Variants in LGSN observed in about 807,000 individuals in gnomAD.
LGSN encodes the protein lengsin, lens protein with glutamine synthetase domain.
A neutral mutation model predicts 19.5 loss-of-function variants in LGSN; 21 were observed. That is an observed-to-expected ratio of 1.07 (90% confidence interval 0.76 to 1.55). The LOEUF is 1.55. LGSN is among the 40% of genes most tolerant of loss of function. The probability of loss-of-function intolerance (pLI) is 0.00; values close to 1 mark genes in which losing one functional copy is unlikely to be tolerated. For missense variants in LGSN, 673 were observed against 608.5 expected, an observed-to-expected ratio of 1.11 and a Z score of -1.12; for synonymous variants, 257 against 215.6, an observed-to-expected ratio of 1.19 and a Z score of -1.68.
chr6:63,523,882 C>G, the LGSN span, among the ~76,000 whole-genome samples: 1 of 152,112 alleles, frequency 6.6e-6, no homozygotes, highest in Non-Finnish European at 1.5e-5. Flanking sequence ...AGATTGCCTA[C>G]TCCTAGCATA....
At chr6:63,522,443 T>A in the LGSN span, among the ~76,000 whole-genome samples, 1 of 152,266 alleles carries the variant, frequency 6.6e-6, no homozygotes, top group Non-Finnish European at 1.5e-5. Context: ...TAGTTACAAT[T>A]CAGGTGAAAC....
At chr6:63,325,681 AG>A in the LGSN span, among the ~76,000 whole-genome samples, 3 of 152,190 alleles carry the variant, frequency 2.0e-5, no homozygotes, top group Non-Finnish European at 4.4e-5. Context: ...ACAGCTTTTA[AG>A]GTGGCGCATC....
At chr6:63,481,491 T>C in the LGSN span, among the ~76,000 whole-genome samples, 1 of 150,190 alleles carries the variant, frequency 6.7e-6, no homozygotes, top group Admixed American at 6.7e-5. Context: ...TACAGGCGCA[T>C]GCCACCATGC....
intron 2 of LGSN, among the ~76,000 whole-genome samples, chr6:63,286,431 G>A (rs186552444): frequency 7.3e-4 from 111 of 152,140 alleles, no homozygotes; most frequent in South Asian, 2.1e-3. Flanking sequence ...CATTCTTTTC[G>A]AGACTTTTAA....
the LGSN span, among the ~76,000 whole-genome samples, chr6:63,539,605 G>A: frequency 1.5e-4 from 23 of 152,076 alleles, no homozygotes; most frequent in Non-Finnish European, 2.8e-4. Context: ...GTGAAACCCC[G>A]TCTCTACTAA....
the LGSN span, among the ~76,000 whole-genome samples, chr6:63,434,001 T>C: frequency 2.0e-5 from 3 of 152,148 alleles, no homozygotes; most frequent in Non-Finnish European, 2.9e-5. Flanking sequence ...GAGTAGGCAG[T>C]GTTAAGAGAA....
At chr6:63,533,218 C>T in the LGSN span, among the ~76,000 whole-genome samples, 1 of 152,192 alleles carries the variant, frequency 6.6e-6, no homozygotes, top group Non-Finnish European at 1.5e-5. Context: ...CTGGTATCTA[C>T]TAAAAATACA....
the LGSN span, among the ~76,000 whole-genome samples, chr6:63,562,752 T>A: frequency 7.2e-5 from 11 of 152,362 alleles, 1 homozygote; most frequent in Admixed American, 5.9e-4. Context: ...ATACAACTTT[T>A]AGGAGTCCCG....
At chr6:63,547,641 G>A in the LGSN span, among the ~76,000 whole-genome samples, 1 of 151,252 alleles carries the variant, frequency 6.6e-6, no homozygotes, top group Non-Finnish European at 1.5e-5. Flanking sequence ...GAGTAGCTGG[G>A]ACTACAGGTG....
chr6:63,312,966 G>A lies in LGSN; in HGVS notation c.30+6948C>T, dbSNP rs563311080. 9.9e-5 allele frequency among the ~76,000 whole-genome samples: 15 copies of A among 152,278 alleles called. No individual in the cohort carries two copies. In the South Asian group the frequency reaches 2.9e-3, roughly 29 times the overall value. On this transcript the variant is annotated intron_variant, in intron 1 of 3. Coordinates refer to ENST00000370657, the MANE Select transcript of LGSN (RefSeq NM_016571.3). ...TGGGCATATGGAATCTAAGGTGATT[G>A]TGTCATCTGGAGGTGTCCAGCAAGC...
At chr6:63,539,512 T>A in the LGSN span, among the ~76,000 whole-genome samples, 1 of 152,160 alleles carries the variant, frequency 6.6e-6, no homozygotes, top group Non-Finnish European at 1.5e-5. Flanking sequence ...GTGTGTTGGC[T>A]CACTCCTGTA....
the LGSN span, among the ~76,000 whole-genome samples, chr6:63,412,143 G>T: frequency 6.6e-6 from 1 of 152,050 alleles, no homozygotes; most frequent in African/African-American, 2.4e-5. Flanking sequence ...GAGGTGGGCA[G>T]ATCACTTGAG....
the LGSN span, among the ~76,000 whole-genome samples, chr6:63,352,487 T>A: frequency 6.6e-6 from 1 of 151,988 alleles, no homozygotes; most frequent in Non-Finnish European, 1.5e-5. Flanking sequence ...ATAGAGAGTC[T>A]CCATCTCTAC....
chr6:63,319,229 T>C (rs554615190), intron 1 of LGSN, among the ~76,000 whole-genome samples: 1 of 152,350 alleles, frequency 6.6e-6, no homozygotes, highest in South Asian at 2.1e-4. Context: ...GCACTGGTCT[T>C]CCACTGCACT....
chr6:63,350,639 G>A, the LGSN span, among the ~76,000 whole-genome samples: 3 of 152,184 alleles, frequency 2.0e-5, no homozygotes, highest in African/African-American at 7.2e-5. Flanking sequence ...ATCACCTGAG[G>A]TCAGAAGTTC....
the LGSN span, among the ~76,000 whole-genome samples, chr6:63,379,711 C>T: frequency 6.6e-6 from 1 of 152,182 alleles, no homozygotes; most frequent in Non-Finnish European, 1.5e-5. Flanking sequence ...ATGCATTCAA[C>T]TTACTTAATC....
At chr6:63,365,453 C>A in the LGSN span, among the ~76,000 whole-genome samples, 1 of 145,776 alleles carries the variant, frequency 6.9e-6, no homozygotes, top group Admixed American at 6.6e-5. Context: ...TAATAGCCTA[C>A]CAACCAAAAA....
chr6:63,485,788 G>A, the LGSN span, among the ~76,000 whole-genome samples: 1 of 152,124 alleles, frequency 6.6e-6, no homozygotes, highest in Non-Finnish European at 1.5e-5. Context: ...GAGTGCAGTG[G>A]CATGATCTCG....
chr6:63,530,755 A>AT, the LGSN span, among the ~76,000 whole-genome samples: 2 of 152,212 alleles, frequency 1.3e-5, no homozygotes, highest in Non-Finnish European at 2.9e-5. Flanking sequence ...ACCTGAATTC[A>AT]TTTTTTCTTA....
Sources: gnomAD v4.1 joint callset for allele counts (sites outside exome capture counted in the v4.1 genomes callset) on GRCh38, gnomAD v4.1.1 for gene constraint, MANE v1.5 for transcripts, NCBI Gene and HGNC (gene_info 2026-07-23, HGNC 2026-07-21) for gene names.